MAF: variants seen among roughly 807,000 people sequenced by gnomAD.
The protein encoded by MAF is MAF bZIP transcription factor.
MAF carries 10 observed loss-of-function variants against 22.0 expected under a neutral mutation model. That is an observed-to-expected ratio of 0.45 (90% CI 0.28 to 0.77). The LOEUF is 0.77. Among genes scored for constraint, MAF ranks in the 30% least tolerant of loss-of-function variants. The pLI, the probability that MAF is intolerant of heterozygous loss-of-function variation, is 0.12. For missense variants in MAF, 544 were observed against 548.4 expected, an observed-to-expected ratio of 0.99 and a Z score of 0.08; for synonymous variants, 337 against 255.8, an observed-to-expected ratio of 1.32 and a Z score of -3.03.
At chr16:79,285,550 C>T in the MAF span, among the ~76,000 whole-genome samples, 132 of 152,252 alleles carry the variant, frequency 8.7e-4, no homozygotes, top group Non-Finnish European at 1.6e-3. Context: ...TGACTCCTCT[C>T]TAGAACCGCT....
At chr16:79,368,615 G>C in the MAF span, among the ~76,000 whole-genome samples, 47 of 152,098 alleles carry the variant, frequency 3.1e-4, no homozygotes, top group Non-Finnish European at 5.4e-4. Flanking sequence ...CAGCCTCCAA[G>C]TCCCCACCAG....
the MAF span, among the ~76,000 whole-genome samples, chr16:79,397,126 G>T: frequency 1.3e-5 from 2 of 152,234 alleles, no homozygotes; most frequent in South Asian, 2.1e-4. Flanking sequence ...GACATTTACT[G>T]AATGTCTGGG....
At chr16:79,429,475 A>G in the MAF span, among the ~76,000 whole-genome samples, 4 of 152,156 alleles carry the variant, frequency 2.6e-5, no homozygotes, top group Non-Finnish European at 5.9e-5. Context: ...GCCTGATGCC[A>G]CAAGATTAAG....
downstream of MAF, among the ~76,000 whole-genome samples, chr16:79,593,404 T>G (rs2143749460): frequency 6.6e-6 from 1 of 152,200 alleles, no homozygotes; most frequent in East Asian, 1.9e-4. Flanking sequence ...GTCCACTGCT[T>G]TTAGCAGGAA....
chr16:79,373,118 G>T, the MAF span, among the ~76,000 whole-genome samples: 1 of 152,102 alleles, frequency 6.6e-6, no homozygotes. Context: ...TATAAACTCT[G>T]TAAGGGGAGG....
At chr16:79,230,297 G>C in the MAF span, among the ~76,000 whole-genome samples, 1 of 152,138 alleles carries the variant, frequency 6.6e-6, no homozygotes, top group Non-Finnish European at 1.5e-5. Flanking sequence ...GGCTGCTTCT[G>C]TGGGTGCCTC....
the MAF span, among the ~76,000 whole-genome samples, chr16:79,530,115 T>C: frequency 6.6e-6 from 1 of 152,354 alleles, no homozygotes; most frequent in East Asian, 1.9e-4. Context: ...ACAAGTGAAT[T>C]AGTATTACTA....
chr16:79,239,828 G>A, the MAF span, among the ~76,000 whole-genome samples: 2 of 152,018 alleles, frequency 1.3e-5, no homozygotes, highest in Admixed American at 6.6e-5. Context: ...TCAATGCCCA[G>A]CCATGGCAGG....
chr16:79,298,486 C>A, the MAF span, among the ~76,000 whole-genome samples: 9 of 152,312 alleles, frequency 5.9e-5, no homozygotes, highest in African/African-American at 2.2e-4. Context: ...CCCTTGACAA[C>A]CAGCTCCAAC....
the MAF span, among the ~76,000 whole-genome samples, chr16:79,411,210 G>A: frequency 6.6e-6 from 1 of 151,278 alleles, no homozygotes; most frequent in Non-Finnish European, 1.5e-5. Context: ...TCGAAACCTT[G>A]GTGGCTGGGA....
At chr16:79,516,800 C>T in the MAF span, among the ~76,000 whole-genome samples, 1 of 151,752 alleles carries the variant, frequency 6.6e-6, no homozygotes, top group Admixed American at 6.6e-5. Context: ...TCCATGGAAT[C>T]TACTAAAGAA....
the MAF span, among the ~76,000 whole-genome samples, chr16:79,262,297 A>T: frequency 6.6e-6 from 1 of 152,170 alleles, no homozygotes; most frequent in Non-Finnish European, 1.5e-5. Flanking sequence ...TCGAATTCTA[A>T]AACTCATGTT....
the MAF span, among the ~76,000 whole-genome samples, chr16:79,362,352 C>A: frequency 6.6e-6 from 1 of 152,196 alleles, no homozygotes; most frequent in Non-Finnish European, 1.5e-5. Flanking sequence ...CTGACACACA[C>A]AGATGCCTTG....
At chr16:79,263,550 C>A in the MAF span, among the ~76,000 whole-genome samples, 1 of 152,202 alleles carries the variant, frequency 6.6e-6, no homozygotes, top group South Asian at 2.1e-4. Context: ...AATACCTTTC[C>A]CCTTGTGGGG....
the MAF span, among the ~76,000 whole-genome samples, chr16:79,286,193 A>G: frequency 6.6e-6 from 1 of 152,204 alleles, no homozygotes; most frequent in Non-Finnish European, 1.5e-5. Flanking sequence ...TACTTTTTAA[A>G]TACTTTTTTG....
At chr16:79,237,671 T>C in the MAF span, among the ~76,000 whole-genome samples, 1 of 151,930 alleles carries the variant, frequency 6.6e-6, no homozygotes, top group East Asian at 1.9e-4. Context: ...CCTATAGTTT[T>C]CTCAGCTCCT....
At chr16:79,440,241 G>A in the MAF span, among the ~76,000 whole-genome samples, 1 of 152,164 alleles carries the variant, frequency 6.6e-6, no homozygotes, top group Non-Finnish European at 1.5e-5. Flanking sequence ...CAGCTGTCTT[G>A]GGCCCCAGCA....
At chr16:79,483,619 G>A in the MAF span, among the ~76,000 whole-genome samples, 11 of 152,224 alleles carry the variant, frequency 7.2e-5, no homozygotes, top group Non-Finnish European at 1.5e-4. Context: ...GAATAAGTAT[G>A]TCTGTCTGTT....
the MAF span, among the ~76,000 whole-genome samples, chr16:79,426,192 C>T: frequency 1.2e-4 from 18 of 144,052 alleles, no homozygotes; most frequent in South Asian, 4.7e-4. Flanking sequence ...GGCGAGAGAG[C>T]GAGAGTCCAT....
Sources: allele counts gnomAD v4.1 joint callset (sites outside exome capture counted in the v4.1 genomes callset), GRCh38; gene constraint gnomAD v4.1.1; transcripts MANE v1.5; gene names NCBI Gene and HGNC (gene_info 2026-07-23, HGNC 2026-07-21).